Variants in CD200 observed in about 807,000 individuals in gnomAD.
CD200 encodes the protein OX-2 membrane glycoprotein.
Under a neutral mutation model 30.9 loss-of-function variants are expected in CD200, and 15 were observed. The ratio of observed to expected loss-of-function variants is 0.49; its 90% CI spans 0.32 to 0.75. The LOEUF (loss-of-function observed/expected upper bound fraction) is 0.75. Ranked by LOEUF, CD200 falls within the 30% of genes least tolerant of loss-of-function variation. The pLI is 0.03. For synonymous variants in CD200, 134 were observed against 126.2 expected, an observed-to-expected ratio of 1.06 and a Z score of -0.41; for missense variants, 262 against 324.2, an observed-to-expected ratio of 0.81 and a Z score of 1.47.
At chr3:112,361,029 GGTT>G (rs1348172103) in intron 5 of CD200, among the ~76,000 whole-genome samples, 5 of 151,812 alleles carry the variant, frequency 3.3e-5, no homozygotes, top group South Asian at 4.2e-4. Flanking sequence ...TTTTGTTTTT[GGTT>G]GTTGTTGTTT....
chr3:112,343,761 G>A (rs934593470), intron 2 of CD200, among the ~76,000 whole-genome samples: 16 of 152,066 alleles, frequency 1.1e-4, no homozygotes, highest in African/African-American at 3.6e-4. Flanking sequence ...GTGCATAAAG[G>A]TTTATGATTA....
rs879786648 is a variant in CD200 at position 112,360,333 on chromosome 3, A to AAAAAAAAATAT, written c.803-1209_803-1208insAAAAAAATATA. ...ACACAGTGAGACTTCATCTAAAAAA[A>AAAAAAAAATAT]ATATATATATATATGTATATATTTT... On this transcript the variant is annotated intron_variant, in intron 5 of 5. Transcript: ENST00000315711. Among the ~76,000 whole-genome samples, 1,078 of 141,276 alleles carry AAAAAAAAATAT rather than the reference A, an allele frequency of 7.6e-3. 13 individuals carry two copies. Among genetic ancestry groups the AAAAAAAAATAT allele is most frequent in the South Asian group, 0.049 (225 of 4,572 alleles). The allele number at this position is 141,276 out of a possible 152,430, so 92.7% of individuals were successfully genotyped here. A position where few individuals can be genotyped will look rare whatever the true frequency, so the allele number is the denominator to read the frequency against.
intron 1 of CD200, among the ~76,000 whole-genome samples, chr3:112,338,590 G>T (rs2108427103): frequency 6.6e-6 from 1 of 152,292 alleles, no homozygotes; most frequent in South Asian, 2.1e-4. Context: ...ATGGGGTCAT[G>T]CTTTATTACT....
rs60242511 is a variant in CD200, at chr3:112,339,604, G to C, written c.13-1298G>C. Among the ~76,000 whole-genome samples the C allele has an allele frequency of 6.2e-3, 941 of 152,342 alleles. 31 individuals carry two copies. The highest frequency in any genetic ancestry group is 0.044 in the Admixed American group (680 of 15,306). On this transcript the variant is annotated intron_variant, in intron 1 of 5. Coordinates refer to ENST00000315711, the MANE Select transcript of CD200 (RefSeq NM_005944.7). Reference sequence around the variant, plus strand: ...GAGATCCAAGAAAAAAATAATACCTGTGTCTCACAGTCCCCTAAAGGGACT... The same window carrying C: ...GAGATCCAAGAAAAAAATAATACCTCTGTCTCACAGTCCCCTAAAGGGACT...
intron 1 of CD200, among the ~76,000 whole-genome samples, chr3:112,336,584 C>T (rs1453024120): frequency 1.3e-5 from 2 of 151,196 alleles, no homozygotes; most frequent in African/African-American, 4.9e-5. Context: ...ATGATCCTGA[C>T]CCTAAAGCAA....
chr3:112,353,800 C>T (rs1343980021), intron 5 of CD200, among the ~76,000 whole-genome samples: 1 of 152,128 alleles, frequency 6.6e-6, no homozygotes, highest in African/African-American at 2.4e-5. Context: ...AAATAAGAAC[C>T]TTTGCTTTGC....
At chr3:112,339,204 G>C (rs1197709854) in intron 1 of CD200, among the ~76,000 whole-genome samples, 1 of 152,020 alleles carries the variant, frequency 6.6e-6, no homozygotes, top group African/African-American at 2.4e-5. Flanking sequence ...TTTGTCCTCT[G>C]GTCTTTCAAA....
chr3:112,353,303 G>T (rs2081568847), intron 5 of CD200, among the ~76,000 whole-genome samples: 1 of 146,152 alleles, frequency 6.8e-6, no homozygotes, highest in Non-Finnish European at 1.5e-5. Context: ...TATTTTGTTT[G>T]GTTTGGTTTG....
chr3:112,345,203 C>G lies in CD200; in HGVS notation c.336C>G (p.Thr112=). ...QNSTITFWNI[T]LEDEGCYMCL... ...CAACCATCACCTTCTGGAATATCAC[C>G]CTGGAGGATGAAGGGTGTTACATGT... The change falls in exon 3 of 6, where the codon ACC becomes ACG. Residue 112 remains threonine (T), a synonymous_variant. Coordinates refer to ENST00000315711, the MANE Select transcript of CD200 (RefSeq NM_005944.7). 6.2e-7 allele frequency: 1 copy of G among 1,614,072 alleles called. No homozygotes were observed. Among genetic ancestry groups the G allele is most frequent in the East Asian group, 2.2e-5 (1 of 44,888 alleles).
intron 5 of CD200, among the ~76,000 whole-genome samples, chr3:112,358,189 G>A (rs2108474352): frequency 6.6e-6 from 1 of 152,330 alleles, no homozygotes; most frequent in East Asian, 1.9e-4. Flanking sequence ...GGGAACCAGA[G>A]TATCCAGAGA....
chr3:112,345,301 G>A lies in CD200; in HGVS notation c.421+13G>A, dbSNP rs1277444273. On this transcript the variant is annotated intron_variant, in intron 3 of 5. Coordinates refer to ENST00000315711, the MANE Select transcript of CD200 (RefSeq NM_005944.7). ...CTCACCGTCTATGGTGAGAATCTCTGAGAATCATTGTCTGTGTCTGGAAAT... is the reference window on the plus strand; with the variant it reads ...CTCACCGTCTATGGTGAGAATCTCTAAGAATCATTGTCTGTGTCTGGAAAT... 6.3e-6 allele frequency: 10 copies of A among 1,594,186 alleles called. No homozygotes were observed. Among genetic ancestry groups the A allele is most frequent in the Non-Finnish European group, 8.6e-6 (10 of 1,163,004 alleles).
At chr3:112,354,467 C>T (rs1023309748) in intron 5 of CD200, among the ~76,000 whole-genome samples, 7 of 152,146 alleles carry the variant, frequency 4.6e-5, no homozygotes, top group African/African-American at 1.4e-4. Context: ...TGTTTGGAAC[C>T]GCTGTGCATT....
intron 2 of CD200, among the ~76,000 whole-genome samples, chr3:112,342,791 G>C (rs2081297858): frequency 6.6e-6 from 1 of 152,042 alleles, no homozygotes; most frequent in African/African-American, 2.4e-5. Flanking sequence ...AATAATTTAT[G>C]ATTTTTTCTA....
intron 3 of CD200, among the ~76,000 whole-genome samples, chr3:112,345,966 T>C (rs2081379766): frequency 6.6e-6 from 1 of 152,166 alleles, no homozygotes; most frequent in Non-Finnish European, 1.5e-5. Flanking sequence ...AGAGATTACT[T>C]TGGAGCATGG....
chr3:112,335,399 G>T (rs974005902), intron 1 of CD200, among the ~76,000 whole-genome samples: 1 of 152,126 alleles, frequency 6.6e-6, no homozygotes. Flanking sequence ...GCATGCTTAT[G>T]GTATGCTTGG....
At chr3:112,339,458 A>G (rs1324464101) in intron 1 of CD200, among the ~76,000 whole-genome samples, 2 of 152,162 alleles carry the variant, frequency 1.3e-5, no homozygotes, top group Non-Finnish European at 2.9e-5. Context: ...GGAGAGCAAA[A>G]TGGGACTGAT....
intron 5 of CD200, among the ~76,000 whole-genome samples, chr3:112,359,854 T>C (rs1465426232): frequency 6.6e-6 from 1 of 152,098 alleles, no homozygotes; most frequent in African/African-American, 2.4e-5. Context: ...TAGCATGCAA[T>C]GAAAGAGGAT....
chr3:112,334,179 C>A (rs926034265), intron 1 of CD200: 3 of 984,890 alleles, frequency 3.0e-6, no homozygotes, highest in African/African-American at 1.7e-5. Flanking sequence ...CATAAACAGG[C>A]GGAAAGGCTG....
rs777033149 is a variant in CD200 at position 112,345,177 on chromosome 3, T to A, written c.310T>A (p.Ser104Thr). The change falls in exon 3 of 6, where the codon TCA (serine) becomes ACA (threonine). Residue 104 changes from serine to threonine, a missense_variant. Transcript: ENST00000315711. ...INITQLGLQN[S>T]TITFWNITLE... ...CATTACCCAGCTGGGACTCCAAAAC[T>A]CAACCATCACCTTCTGGAATATCAC... The A allele has an allele frequency of 6.2e-7, 1 of 1,614,070 alleles. No individual in the cohort carries two copies. Among genetic ancestry groups the A allele is most frequent in the Non-Finnish European group, 8.5e-7 (1 of 1,179,958 alleles).
Sources: gnomAD v4.1 joint callset for allele counts (sites outside exome capture counted in the v4.1 genomes callset) on GRCh38, gnomAD v4.1.1 for gene constraint, MANE v1.5 for transcripts, NCBI Gene and HGNC (gene_info 2026-07-23, HGNC 2026-07-21) for gene names.